The following THSD4 variants were observed in gnomAD, a reference collection of about 807,000 sequenced individuals.
THSD4 encodes the protein thrombospondin type 1 domain containing 4, also known as thrombospondin type-1 domain-containing protein 4.
In THSD4, 69 loss-of-function variants were observed where a neutral mutation model predicts 119.0. The ratio of observed to expected loss-of-function variants is 0.58; its 90% CI spans 0.48 to 0.71. The LOEUF (loss-of-function observed/expected upper bound fraction) is 0.71, where lower values mean the gene tolerates loss of function less well. Ranked by LOEUF, THSD4 falls within the 30% of genes least tolerant of loss-of-function variation. The pLI, the probability that THSD4 is intolerant of heterozygous loss-of-function variation, is 0.00. For synonymous variants in THSD4, 524 were observed against 540.4 expected (o/e 0.97, Z 0.42); for missense variants, 1,393 against 1,391.1 (o/e 1.00, Z -0.02).
chr15:71,481,078 G>A (rs570150540), intron 7 of THSD4, among the ~76,000 whole-genome samples: 15 of 152,106 alleles, frequency 9.9e-5, no homozygotes, highest in Non-Finnish European at 1.8e-4. Flanking sequence ...TTGTTTTGGG[G>A]TAGGGAAAAA....
Position 71,422,726 on chromosome 15 carries a change from A to G in THSD4, c.1152+10903A>G, listed in dbSNP as rs79211386. On this transcript the variant is annotated intron_variant, in intron 7 of 17. Coordinates refer to ENST00000261862, the MANE Select transcript of THSD4 (RefSeq NM_024817.3). ...ACATTCACTCAAGGCCCTAGAGCCT[A>G]CAATCAGTAGGTGGCAAAGCCAGCC... is the stretch of plus-strand genomic sequence containing the variant. Among the ~76,000 whole-genome samples the G allele has an allele frequency of 3.2e-3, 480 of 152,282 alleles. 2 individuals are homozygous for G. Among genetic ancestry groups the G allele is most frequent in the African/African-American group, 0.011 (461 of 41,566 alleles).
At chr15:71,504,756 G>A (rs980536565) in intron 7 of THSD4, among the ~76,000 whole-genome samples, 1 of 152,140 alleles carries the variant, frequency 6.6e-6, no homozygotes, top group Non-Finnish European at 1.5e-5. Flanking sequence ...ACCAACCTTG[G>A]TACGTTACTA....
chr15:71,461,438 T>C (rs542078978), intron 7 of THSD4, among the ~76,000 whole-genome samples: 6 of 152,328 alleles, frequency 3.9e-5, no homozygotes, highest in South Asian at 2.1e-4. Flanking sequence ...GAGGGACTTA[T>C]AGAAGGGCAT....
At chr15:71,109,262 G>A (rs777337268) in intron 1 of THSD4, among the ~76,000 whole-genome samples, 2 of 152,178 alleles carry the variant, frequency 1.3e-5, no homozygotes, top group Non-Finnish European at 2.9e-5. Flanking sequence ...AAGACACATC[G>A]TGGGGAGTTT....
In THSD4 at chr15:71,389,810, G is replaced by GTT. The variant is rs556682631; in HGVS notation, c.1016-21861_1016-21860dup. ...GCCAACACTTGCTATTTTCTGGGTT[G>GTT]TTTTTTTTTTTTTTTTTGACACAGA... On this transcript the variant is annotated intron_variant, in intron 6 of 17. Coordinates refer to ENST00000261862, the MANE Select transcript of THSD4 (RefSeq NM_024817.3). 1.5e-4 allele frequency among the ~76,000 whole-genome samples: 13 copies of GTT among 88,024 alleles called. 1 individual carries two copies. Among genetic ancestry groups the GTT allele is most frequent in the African/African-American group, 3.0e-4 (7 of 23,040 alleles). 57.7% of individuals were successfully genotyped at this position (88,024 alleles called of 152,430 possible). A position where few individuals can be genotyped will look rare whatever the true frequency, so the allele number is the denominator to read the frequency against.
chr15:71,540,728 CCTT>C (rs1341561531), intron 7 of THSD4, among the ~76,000 whole-genome samples: 3 of 103,010 alleles, frequency 2.9e-5, no homozygotes, highest in African/African-American at 1.0e-4. Flanking sequence ...CACCTGGCCT[CCTT>C]TTTTTTTTTT....
At chr15:71,199,937 A>AGTGTG (rs2043787544) in intron 3 of THSD4, among the ~76,000 whole-genome samples, 1 of 75,046 alleles carries the variant, frequency 1.3e-5, no homozygotes. Flanking sequence ...GTGTGTGTGT[A>AGTGTG]TGGCAGGGTG....
intron 6 of THSD4, among the ~76,000 whole-genome samples, chr15:71,321,150 A>T (rs2045262382): frequency 6.6e-6 from 1 of 152,214 alleles, no homozygotes; most frequent in African/African-American, 2.4e-5. Flanking sequence ...CAGAGATGAA[A>T]TGACTGCCTC....
chr15:71,356,820 G>A (rs980758068), intron 6 of THSD4, among the ~76,000 whole-genome samples: 4 of 151,988 alleles, frequency 2.6e-5, no homozygotes, highest in Admixed American at 6.6e-5. Flanking sequence ...TCCCTCCCCC[G>A]ACTTTCTTCA....
At chr15:71,667,439 A>C (rs1301487030) in intron 8 of THSD4, among the ~76,000 whole-genome samples, 1 of 152,220 alleles carries the variant, frequency 6.6e-6, no homozygotes, top group Non-Finnish European at 1.5e-5. Context: ...GCACAAATTG[A>C]TTATACAAGA....
At chr15:71,302,039 T>C (rs948983289) in intron 6 of THSD4, among the ~76,000 whole-genome samples, 1 of 152,142 alleles carries the variant, frequency 6.6e-6, no homozygotes, top group Non-Finnish European at 1.5e-5. Context: ...GGAGCAAGCT[T>C]AGGGTTGGTT....
intron 7 of THSD4, among the ~76,000 whole-genome samples, chr15:71,521,200 C>T (rs60251511): frequency 0.016 from 2,402 of 152,288 alleles, 64 homozygotes; most frequent in African/African-American, 0.054. Flanking sequence ...CTTTCTCTCT[C>T]TTTTAATTCC....
intron 7 of THSD4, among the ~76,000 whole-genome samples, chr15:71,482,839 G>A (rs1004297777): frequency 2.0e-5 from 3 of 151,984 alleles, no homozygotes; most frequent in Non-Finnish European, 4.4e-5. Flanking sequence ...CACCCACCTC[G>A]GCCTCCCAGA....
At chr15:71,135,364 A>AAT (rs1315394747) in intron 1 of THSD4, among the ~76,000 whole-genome samples, 2 of 126,358 alleles carry the variant, frequency 1.6e-5, no homozygotes, top group African/African-American at 3.4e-5. Flanking sequence ...AAAGTATAAT[A>AAT]AAAAAAAAAA....
chr15:71,249,970 A>G (rs76987158), intron 5 of THSD4, among the ~76,000 whole-genome samples: 4,307 of 152,202 alleles, frequency 0.028, 96 homozygotes, highest in Middle Eastern at 0.048. Flanking sequence ...TAAATTAACA[A>G]TTTTTATTTT....
intron 1 of THSD4, among the ~76,000 whole-genome samples, chr15:71,133,380 A>C (rs1373424199): frequency 6.6e-6 from 1 of 152,166 alleles, no homozygotes. Flanking sequence ...GAAAGCCCCC[A>C]CCTGAGTTTG....
rs184088644 is a variant in THSD4, at chr15:71,210,810, C to G, written c.100-4225C>G. 9.4e-4 allele frequency among the ~76,000 whole-genome samples: 143 copies of G among 152,186 alleles called. 1 individual carries two copies. Among genetic ancestry groups the G allele is most frequent in the Non-Finnish European group, 1.7e-3 (116 of 68,002 alleles). On this transcript the variant is annotated intron_variant, in intron 3 of 17. Coordinates refer to ENST00000261862, the MANE Select transcript of THSD4 (RefSeq NM_024817.3). Reference sequence around the variant, plus strand: ...TTCCTTTTAACAGATATGAATCTACCTCATCCTACCAGATAAATTACATTC... The same window carrying G: ...TTCCTTTTAACAGATATGAATCTACGTCATCCTACCAGATAAATTACATTC...
rs2053936846 is a variant in THSD4, at chr15:71,777,506, G to C, written c.*132G>C. ...GCCAACCAACTTAGTCACCACCCCT[G>C]CCTCCGGTGAATGCACCCCGTGGTA... On this transcript the variant is annotated 3_prime_UTR_variant, in exon 18 of 18. Coordinates refer to ENST00000261862, the MANE Select transcript of THSD4 (RefSeq NM_024817.3). 2 of 1,282,030 alleles carry C rather than the reference G, an allele frequency of 1.6e-6. No individual in the cohort carries two copies. Among genetic ancestry groups the C allele is most frequent in the Middle Eastern group, 2.7e-4 (1 of 3,680 alleles). 79.4% of individuals were successfully genotyped at this position (1,282,030 alleles called of 1,614,324 possible). A position where few individuals can be genotyped will look rare whatever the true frequency, so the allele number is the denominator to read the frequency against.
chr15:71,102,052 A>C, intron 1 of THSD4, among the ~76,000 whole-genome samples: 1 of 152,000 alleles, frequency 6.6e-6, no homozygotes, highest in East Asian at 1.9e-4. Context: ...ATGTTATTCT[A>C]CTTCCCTCCA....
Sources: allele counts gnomAD v4.1 joint callset (sites outside exome capture counted in the v4.1 genomes callset), GRCh38; gene constraint gnomAD v4.1.1; transcripts MANE v1.5; gene names NCBI Gene and HGNC (gene_info 2026-07-23, HGNC 2026-07-21).